Variants in CTNNA3 observed in about 807,000 individuals in gnomAD.
The protein encoded by CTNNA3 is catenin alpha 3.
A neutral mutation model predicts 95.7 loss-of-function variants in CTNNA3; 76 were observed. The observed-to-expected ratio is 0.79, with a 90% CI of 0.66 to 0.96. The LOEUF is 0.96. CTNNA3 is among the 40% of genes least tolerant of loss of function. CTNNA3 has a pLI of 0.00. For missense variants in CTNNA3, 1,191 were observed against 1,089.8 expected, an observed-to-expected ratio of 1.09 and a Z score of -1.31; for synonymous variants, 431 against 374.4, an observed-to-expected ratio of 1.15 and a Z score of -1.74.
At chr10:66,110,667 G>T (rs974066565) in intron 13 of CTNNA3, among the ~76,000 whole-genome samples, 1 of 152,104 alleles carries the variant, frequency 6.6e-6, no homozygotes, top group African/African-American at 2.4e-5. Context: ...ATTATCTAAA[G>T]ATATCCAGTG....
At chr10:67,554,188 T>G (rs1841144239) in intron 3 of CTNNA3, among the ~76,000 whole-genome samples, 1 of 152,228 alleles carries the variant, frequency 6.6e-6, no homozygotes, top group African/African-American at 2.4e-5. Flanking sequence ...GTTTCAAGTC[T>G]TTGCTATTGT....
At chr10:66,254,344 T>C (rs1036285608) in intron 13 of CTNNA3, among the ~76,000 whole-genome samples, 1 of 152,184 alleles carries the variant, frequency 6.6e-6, no homozygotes, top group African/African-American at 2.4e-5. Context: ...CTGGAATGTA[T>C]GCATATTGAA....
chr10:67,166,989 C>T (rs967657834), intron 7 of CTNNA3, among the ~76,000 whole-genome samples: 1 of 152,004 alleles, frequency 6.6e-6, no homozygotes. Context: ...TGCCTGTAGT[C>T]CCAGCTACTC....
At chr10:66,591,157 T>C (rs1281819661) in intron 10 of CTNNA3, among the ~76,000 whole-genome samples, 2 of 152,156 alleles carry the variant, frequency 1.3e-5, no homozygotes, top group African/African-American at 4.8e-5. Flanking sequence ...CTCCTAGAAT[T>C]GTTTATAATT....
rs71006156 is a variant in CTNNA3, at chr10:67,632,126, CCACACA to C, written c.99+15283_99+15288del. On this transcript the variant is annotated intron_variant, in intron 2 of 17. Coordinates refer to ENST00000433211, the MANE Select transcript of CTNNA3 (RefSeq NM_013266.4). Reference sequence around the variant, plus strand: ...AGAAAGTAGATTTTAAGTGTCTTAGCCACACACACACACACACACACACACACACAC... The same window carrying C: ...AGAAAGTAGATTTTAAGTGTCTTAGCCACACACACACACACACACACACAC... Among the ~76,000 whole-genome samples the C allele has an allele frequency of 2.6e-3, 360 of 139,062 alleles. 3 individuals are homozygous for C. Among genetic ancestry groups the C allele is most frequent in the African/African-American group, 8.0e-3 (298 of 37,126 alleles). 91.2% of individuals were successfully genotyped at this position (139,062 alleles called of 152,430 possible). A position where few individuals can be genotyped will look rare whatever the true frequency, so the allele number is the denominator to read the frequency against.
chr10:66,808,427 A>G (rs993300194), intron 7 of CTNNA3, among the ~76,000 whole-genome samples: 3 of 152,182 alleles, frequency 2.0e-5, no homozygotes, highest in Non-Finnish European at 2.9e-5. Flanking sequence ...GCAAGTAGGT[A>G]AAGCACCTGA....
At chr10:67,203,054 T>C (rs1379357187) in intron 6 of CTNNA3, among the ~76,000 whole-genome samples, 1 of 152,204 alleles carries the variant, frequency 6.6e-6, no homozygotes, top group East Asian at 1.9e-4. Context: ...CAGAAGCTTG[T>C]ATCTCTTTCT....
At chr10:67,193,505 C>G (rs1036600020) in intron 6 of CTNNA3, among the ~76,000 whole-genome samples, 4 of 151,930 alleles carry the variant, frequency 2.6e-5, no homozygotes, top group East Asian at 1.9e-4. Flanking sequence ...CTCCCACCCT[C>G]CACCCTCTAT....
intron 3 of CTNNA3, among the ~76,000 whole-genome samples, chr10:67,592,341 TG>T (rs1244779813): frequency 6.6e-6 from 1 of 152,114 alleles, no homozygotes; most frequent in Non-Finnish European, 1.5e-5. Context: ...GCAAAATAGC[TG>T]TAACATTCCT....
chr10:66,376,768 A>G (rs1158882652), intron 12 of CTNNA3, among the ~76,000 whole-genome samples: 1 of 152,192 alleles, frequency 6.6e-6, no homozygotes, highest in African/African-American at 2.4e-5. Flanking sequence ...GACAGTCCAC[A>G]GATATTACTG....
chr10:67,538,157 TAAAAAAAAAAA>T (rs1176919938), intron 4 of CTNNA3, among the ~76,000 whole-genome samples: 1 of 59,176 alleles, frequency 1.7e-5, no homozygotes. Flanking sequence ...CTACTTAAAC[TAAAAAAAAAAA>T]AAAAAAAAAA....
chr10:66,951,088 TACAC>T (rs3056558), intron 7 of CTNNA3, among the ~76,000 whole-genome samples: 6,902 of 146,056 alleles, frequency 0.047, 350 homozygotes, highest in African/African-American at 0.13. Context: ...TAACATTAAA[TACAC>T]ACACACACAC....
At chr10:67,056,152 C>T (rs757809617) in intron 7 of CTNNA3, among the ~76,000 whole-genome samples, 1 of 152,076 alleles carries the variant, frequency 6.6e-6, no homozygotes, top group African/African-American at 2.4e-5. Context: ...TACATACTGT[C>T]GCCCATTCAT....
intron 10 of CTNNA3, among the ~76,000 whole-genome samples, chr10:66,597,135 GA>G (rs1843737258): frequency 6.6e-6 from 1 of 151,892 alleles, no homozygotes; most frequent in Non-Finnish European, 1.5e-5. Flanking sequence ...TCCAGTCACA[GA>G]AATAAAGGAA....
chr10:65,980,180 A>G (rs990058520), intron 16 of CTNNA3, among the ~76,000 whole-genome samples: 5 of 151,978 alleles, frequency 3.3e-5, no homozygotes, highest in Admixed American at 3.3e-4. Flanking sequence ...AAGATTATTC[A>G]AGGCTACTAT....
At chr10:66,921,548 C>T (rs2132601851) in intron 7 of CTNNA3, among the ~76,000 whole-genome samples, 1 of 152,262 alleles carries the variant, frequency 6.6e-6, no homozygotes, top group Admixed American at 6.5e-5. Context: ...CATTGGCCTC[C>T]TTGTTGTTCA....
chr10:67,735,489 G>A (rs1056927180), intron 1 of CTNNA3, among the ~76,000 whole-genome samples: 3 of 152,048 alleles, frequency 2.0e-5, no homozygotes, highest in African/African-American at 7.3e-5. Flanking sequence ...AATGGGTAAA[G>A]GACTTGCATG....
chr10:66,766,218 C>T, intron 9 of CTNNA3, 46 bp downstream of exon 9: 1 of 1,559,182 alleles, frequency 6.4e-7, no homozygotes, highest in Non-Finnish European at 8.8e-7. Flanking sequence ...AGAATGGGAG[C>T]CTCATTCTCC....
rs1478247274 is a variant in CTNNA3 at position 67,180,414 on chromosome 10, G to T, written c.950C>A (p.Ser317Tyr). The part of the protein sequence containing the change: ...IISGAALLAD[S>Y]SCTRDLHRER... ...TCGGTGTAAGTCCCTCGTACATGAA[G>T]AATCCGCCAGCAGAGCAGCCCCACT... is the stretch of plus-strand genomic sequence containing the variant. The change falls in exon 7 of 18, where the codon TCT (serine) becomes TAT (tyrosine). Residue 317 changes from serine to tyrosine, a missense_variant. Coordinates refer to ENST00000433211, the MANE Select transcript of CTNNA3 (RefSeq NM_013266.4). 2.5e-6 allele frequency: 4 copies of T among 1,613,826 alleles called. No homozygotes were observed. The highest frequency in any genetic ancestry group is 3.4e-6 in the Non-Finnish European group (4 of 1,179,858).
Sources: gnomAD v4.1 joint callset for allele counts (sites outside exome capture counted in the v4.1 genomes callset) on GRCh38, gnomAD v4.1.1 for gene constraint, MANE v1.5 for transcripts, NCBI Gene and HGNC (gene_info 2026-07-23, HGNC 2026-07-21) for gene names.